The following KCNQ1OT1 variants were observed in gnomAD, a reference collection of about 807,000 sequenced individuals.
The protein encoded by KCNQ1OT1 is KCNQ1 antisense RNA 2 (non-protein coding).
At position 2,695,116 on chromosome 11, in the gene KCNQ1OT1, T is replaced by C; in HGVS notation, n.4879A>G. On this transcript the variant is annotated non_coding_transcript_exon_variant, in exon 1 of 1. Coordinates refer to ENST00000597346, the Ensembl canonical transcript of KCNQ1OT1. This position sits in a 1 kb window ranked among gnomAD's most constrained non-coding sequence, Gnocchi z 5.2. Reference sequence around the variant, plus strand: ...CACTAGAGGGTATCTGGCAGGAGAGTCATGGAGGCACATTCATTCGTTGGT... The same window carrying C: ...CACTAGAGGGTATCTGGCAGGAGAGCCATGGAGGCACATTCATTCGTTGGT... 1 of 398,480 alleles carries C rather than the reference T, an allele frequency of 2.5e-6. No individual in the cohort carries two copies. Among genetic ancestry groups the C allele is most frequent in the Non-Finnish European group, 4.4e-6 (1 of 226,068 alleles). 24.7% of individuals were successfully genotyped at this position (398,480 alleles called of 1,614,324 possible).
At position 2,658,776 on chromosome 11, in the gene KCNQ1OT1, T is replaced by G; in HGVS notation, n.41219A>C. On this transcript the variant is annotated non_coding_transcript_exon_variant, in exon 1 of 1. Coordinates refer to ENST00000597346, the Ensembl canonical transcript of KCNQ1OT1. The surrounding 1 kb of genome is among the most constrained non-coding windows in gnomAD (Gnocchi z 4.9). ...AACCATGAGTTCATACTGACATTTC[T>G]GACCAGAGTTCATCCTTGCCCCCTC... 2.5e-6 allele frequency: 1 copy of G among 398,622 alleles called. No homozygotes were observed. The highest frequency in any genetic ancestry group is 4.4e-5 in the Admixed American group (1 of 22,734). The allele number at this position is 398,622 out of a possible 1,614,324, so 24.7% of individuals were successfully genotyped here. A position where few individuals can be genotyped will look rare whatever the true frequency, so the allele number is the denominator to read the frequency against.
chr11:2,619,138 T>C (rs574636130), exon 1 of KCNQ1OT1: 26 of 398,416 alleles, frequency 6.5e-5, no homozygotes, highest in Non-Finnish European at 1.2e-4. Flanking sequence ...TAATATTACT[T>C]CTTACTTCCT....
rs191377721 is a variant in KCNQ1OT1 at position 2,670,034 on chromosome 11, G to A, written n.29961C>T. ...GTTGGGGTCCCGTGGAGGTACAGGC[G>A]GAAACCTAGCACTCACTATTCTGCT... is the stretch of plus-strand genomic sequence containing the variant. On this transcript the variant is annotated non_coding_transcript_exon_variant, in exon 1 of 1. Transcript: ENST00000597346. This position sits in a 1 kb window ranked among gnomAD's most constrained non-coding sequence, Gnocchi z 4.9. The A allele has an allele frequency of 1.4e-3, 569 of 398,604 alleles. 5 individuals carry two copies. The highest frequency in any genetic ancestry group is 0.011 in the African/African-American group (529 of 48,730). 24.7% of individuals were successfully genotyped at this position (398,604 alleles called of 1,614,324 possible). A position where few individuals can be genotyped will look rare whatever the true frequency, so the allele number is the denominator to read the frequency against.
In KCNQ1OT1 at chr11:2,610,716, C is replaced by CTTTTTTTTTTTTTTTT. The variant is rs1167505141; in HGVS notation, n.89263_89278dup. 42 of 230,172 alleles carry CTTTTTTTTTTTTTTTT rather than the reference C, an allele frequency of 1.8e-4. 1 individual carries two copies. The highest frequency in any genetic ancestry group is 4.6e-4 in the African/African-American group (10 of 21,578). 14.3% of individuals were successfully genotyped at this position (230,172 alleles called of 1,614,324 possible). On this transcript the variant is annotated non_coding_transcript_exon_variant, in exon 1 of 1. Coordinates refer to ENST00000597346, the Ensembl canonical transcript of KCNQ1OT1. ...TTCTGGACACAGTATTCTTGGTTGG[C>CTTTTTTTTTTTTTTTT]TTTTTTTTTTTTTTTTTTTTTTTTT...
exon 1 of KCNQ1OT1, chr11:2,637,982 CAG>C (rs1166948012): frequency 2.6e-5 from 4 of 152,188 alleles, no homozygotes; most frequent in African/African-American, 9.7e-5. Context: ...TCTGTTTTAT[CAG>C]AGACTAGGAT....
exon 1 of KCNQ1OT1, chr11:2,694,326 C>T (rs867283187): frequency 2.3e-5 from 9 of 398,638 alleles, no homozygotes; most frequent in Middle Eastern, 1.3e-3. Flanking sequence ...TTGTCATCTG[C>T]GGTGCCCCCC....
chr11:2,699,355 C>T (rs1448651384), exon 1 of KCNQ1OT1: 2 of 399,156 alleles, frequency 5.0e-6, no homozygotes, highest in South Asian at 1.3e-4. Flanking sequence ...TCACCCGTCC[C>T]GCGCCGTCCG....
chr11:2,673,370 G>A lies in KCNQ1OT1; in HGVS notation n.26625C>T, dbSNP rs1022714148. On this transcript the variant is annotated non_coding_transcript_exon_variant, in exon 1 of 1. Transcript: ENST00000597346. The surrounding 1 kb of genome is among the most constrained non-coding windows in gnomAD (Gnocchi z 4.5). Reference sequence around the variant, plus strand: ...TTAGCAAACAAAGGGAAGTGACAGAGCAGAGCTCCCCTTGGCCTTTGTTTA... The same window carrying A: ...TTAGCAAACAAAGGGAAGTGACAGAACAGAGCTCCCCTTGGCCTTTGTTTA... The A allele has an allele frequency of 2.5e-6, 1 of 398,590 alleles. No homozygotes were observed. The highest frequency in any genetic ancestry group is 4.4e-5 in the Admixed American group (1 of 22,724). The allele number at this position is 398,590 out of a possible 1,614,324, so 24.7% of individuals were successfully genotyped here.
Position 2,626,370 on chromosome 11 carries a change from T to C in KCNQ1OT1, n.73625A>G, listed in dbSNP as rs1012754859. On this transcript the variant is annotated non_coding_transcript_exon_variant, in exon 1 of 1. Transcript: ENST00000597346. The surrounding 1 kb of genome is among the most constrained non-coding windows in gnomAD (Gnocchi z 4.0). Reference sequence around the variant, plus strand: ...TTATCCTGGCACCATTTGTTGAAAATACAGCACTTTCCCTATTGAATGGTC... The same window carrying C: ...TTATCCTGGCACCATTTGTTGAAAACACAGCACTTTCCCTATTGAATGGTC... 1.5e-5 allele frequency: 6 copies of C among 398,492 alleles called. No homozygotes were observed. Among genetic ancestry groups the C allele is most frequent in the African/African-American group, 1.2e-4 (6 of 48,622 alleles). The allele number at this position is 398,492 out of a possible 1,614,324, so 24.7% of individuals were successfully genotyped here. A position where few individuals can be genotyped will look rare whatever the true frequency, so the allele number is the denominator to read the frequency against.
chr11:2,655,637 AAG>A (rs1849831947), exon 1 of KCNQ1OT1: 1 of 398,574 alleles, frequency 2.5e-6, no homozygotes. Flanking sequence ...CCTGGCCTGA[AAG>A]AGGCAGCACC....
chr11:2,648,969 TTTTTTC>T lies in KCNQ1OT1; in HGVS notation n.51020_51025del, dbSNP rs1426075708. The stretch of plus-strand genomic sequence containing the variant: ...ATTATATAATGACCTCCTTTGTCTC[TTTTTTC>T]TTTTTCTTTTTTTTTTTTTTTTTTT... On this transcript the variant is annotated non_coding_transcript_exon_variant, in exon 1 of 1. Coordinates refer to ENST00000597346, the Ensembl canonical transcript of KCNQ1OT1. 1.6e-4 allele frequency: 62 copies of T among 389,288 alleles called. 1 individual carries two copies. The highest frequency in any genetic ancestry group is 3.0e-4 in the African/African-American group (14 of 46,194). 24.1% of individuals were successfully genotyped at this position (389,288 alleles called of 1,614,324 possible).
chr11:2,642,045 C>T lies in KCNQ1OT1; in HGVS notation n.57950G>A, dbSNP rs904349812. 5.0e-6 allele frequency: 2 copies of T among 398,344 alleles called. No individual in the cohort carries two copies. The highest frequency in any genetic ancestry group is 8.9e-6 in the Non-Finnish European group (2 of 225,912). The allele number at this position is 398,344 out of a possible 1,614,324, so 24.7% of individuals were successfully genotyped here. ...ATGCTATAGCCTTATATTTTTAAAT[C>T]AGGCAGTGTGATGCATCCAACTTTG... On this transcript the variant is annotated non_coding_transcript_exon_variant, in exon 1 of 1. Transcript: ENST00000597346. This position sits in a 1 kb window ranked among gnomAD's most constrained non-coding sequence, Gnocchi z 4.3.
exon 1 of KCNQ1OT1, chr11:2,643,977 AG>A (rs1230356409): frequency 7.5e-6 from 3 of 398,426 alleles, no homozygotes; most frequent in Non-Finnish European, 1.3e-5. Flanking sequence ...GTTAGTCTGC[AG>A]GTTGTTCCCT....
At chr11:2,686,887 G>A in exon 1 of KCNQ1OT1, 1 of 398,688 alleles carries the variant, frequency 2.5e-6, no homozygotes, top group Non-Finnish European at 4.4e-6. Flanking sequence ...CCAGTGACCA[G>A]CCTGAAGATA....
chr11:2,657,161 C>T lies in KCNQ1OT1; in HGVS notation n.42834G>A. 1 of 398,632 alleles carries T rather than the reference C, an allele frequency of 2.5e-6. No homozygotes were observed. The highest frequency in any genetic ancestry group is 4.4e-6 in the Non-Finnish European group (1 of 226,052). 24.7% of individuals were successfully genotyped at this position (398,632 alleles called of 1,614,324 possible). ...GTACTGATGTTTGGTACAGCAAGTT[C>T]TCCCACCTTGTTCTTCTTCAAGAAT... On this transcript the variant is annotated non_coding_transcript_exon_variant, in exon 1 of 1. Transcript: ENST00000597346. This position sits in a 1 kb window ranked among gnomAD's most constrained non-coding sequence, Gnocchi z 4.8.
Position 2,629,677 on chromosome 11 carries a change from T to A in KCNQ1OT1, n.70318A>T, listed in dbSNP as rs2133814486. On this transcript the variant is annotated non_coding_transcript_exon_variant, in exon 1 of 1. Coordinates refer to ENST00000597346, the Ensembl canonical transcript of KCNQ1OT1. ...TTTATTTGGGAGCTCTCTATTCTTT[T>A]TGATGCTATTTTAAATGAAATTGTT... The A allele has an allele frequency of 1.0e-5, 4 of 398,544 alleles. No homozygotes were observed. The East Asian group carries it at 1.4e-4, about 14-fold the overall frequency. The allele number at this position is 398,544 out of a possible 1,614,324, so 24.7% of individuals were successfully genotyped here. A position where few individuals can be genotyped will look rare whatever the true frequency, so the allele number is the denominator to read the frequency against.
chr11:2,632,810 CT>C (rs1849382870), exon 1 of KCNQ1OT1: 1 of 398,292 alleles, frequency 2.5e-6, no homozygotes, highest in Non-Finnish European at 4.4e-6. Context: ...CATTCTTTCT[CT>C]GCATCTGCTG....
At chr11:2,615,469 A>G (rs533807768) in exon 1 of KCNQ1OT1, 318 of 398,066 alleles carry the variant, frequency 8.0e-4, no homozygotes, top group African/African-American at 6.0e-3. Flanking sequence ...GCATACAGCC[A>G]TATCTTACTC....
At chr11:2,693,932 G>A (rs555053144) in exon 1 of KCNQ1OT1, 27 of 398,718 alleles carry the variant, frequency 6.8e-5, no homozygotes, top group African/African-American at 3.5e-4. Context: ...TCCGGTATCC[G>A]CTGAGAACCA....
Sources: allele counts gnomAD v4.1 joint callset, GRCh38; gene constraint gnomAD v4.1.1; non-coding constraint Gnocchi (gnomAD v3.1); transcripts MANE v1.5; gene names NCBI Gene and HGNC (gene_info 2026-07-23, HGNC 2026-07-21).